ZNF814: variants seen among roughly 807,000 people sequenced by gnomAD.
ZNF814 encodes the protein zinc finger protein 814.
In ZNF814, 5 loss-of-function variants were observed where a neutral mutation model predicts 7.5. The observed-to-expected ratio is 0.67, with a 90% CI of 0.35 to 1.40. The LOEUF is 1.40. Ranked by LOEUF, ZNF814 falls within the 40% of genes most tolerant of loss-of-function variation. The pLI is 0.04. For synonymous variants in ZNF814, 315 were observed against 340.7 expected, an observed-to-expected ratio of 0.92 and a Z score of 0.83; for missense variants, 962 against 1,018.0, an observed-to-expected ratio of 0.94 and a Z score of 0.75.
At position 57,879,708 on chromosome 19, in the gene ZNF814, T is replaced by A. The variant is rs547373435; in HGVS notation, c.37-2666A>T. 1.8e-3 allele frequency among the ~76,000 whole-genome samples: 271 copies of A among 149,482 alleles called. 1 individual carries two copies. Among genetic ancestry groups the A allele is most frequent in the Non-Finnish European group, 3.3e-3 (225 of 67,364 alleles). On this transcript the variant is annotated intron_variant, in intron 1 of 2. Coordinates refer to ENST00000435989, the MANE Select transcript of ZNF814 (RefSeq NM_001144989.2). ...GGTCTGAGCATGGTGAAAACAACCC[T>A]CCTTATATTCCCAGTGACTATATTA...
chr19:57,882,852 T>C (rs1364569571), intron 1 of ZNF814, among the ~76,000 whole-genome samples: 1 of 149,440 alleles, frequency 6.7e-6, no homozygotes, highest in African/African-American at 2.6e-5. Context: ...GCCCAGACAC[T>C]GATGAACATC....
At position 57,873,099 on chromosome 19, in the gene ZNF814, C is replaced by G. The variant is rs750311579; in HGVS notation, c.2291G>C (p.Arg764Pro). The G allele has an allele frequency of 6.2e-7, 1 of 1,613,828 alleles. No homozygotes were observed. The highest frequency in any genetic ancestry group is 8.5e-7 in the Non-Finnish European group (1 of 1,179,920). The change falls in exon 3 of 3, where the codon CGA becomes CCA. Residue 764 changes from arginine (R) to proline (P), a missense_variant. Arg to Pro is a moderately radical substitution (Grantham distance 103, BLOSUM62 -2). Around this residue, in one of 7 missense-constraint regions of ZNF814, gnomAD observed 665 missense variants for 551.4 expected, o/e 1.21. Coordinates refer to ENST00000435989, the MANE Select transcript of ZNF814 (RefSeq NM_001144989.2). ...THSSTFCVHK[R>P]IHTGEKPYEC... is the part of the protein sequence containing the mutation. Reference sequence around the variant, plus strand: ...ATAAGGCTTTTCTCCAGTGTGAATTCGCTTATGAACACAGAATGTAGAGCT... The same window carrying G: ...ATAAGGCTTTTCTCCAGTGTGAATTGGCTTATGAACACAGAATGTAGAGCT...
upstream of ZNF814, among the ~76,000 whole-genome samples, chr19:57,891,944 C>T (rs1331124707): frequency 6.6e-6 from 1 of 152,070 alleles, no homozygotes; most frequent in Non-Finnish European, 1.5e-5. Context: ...AGTATAAACA[C>T]GGTTTCACTA....
chr19:57,885,629 C>CAA (rs36025351), intron 1 of ZNF814, among the ~76,000 whole-genome samples: 48 of 121,432 alleles, frequency 4.0e-4, no homozygotes, highest in African/African-American at 1.3e-3. Context: ...GACTGTGTCT[C>CAA]AAAAAAAAAA....
chr19:57,878,926 C>CAT (rs1366260582), intron 1 of ZNF814, among the ~76,000 whole-genome samples: 1 of 152,022 alleles, frequency 6.6e-6, no homozygotes, highest in Non-Finnish European at 1.5e-5. Flanking sequence ...CACACACGCA[C>CAT]ACATACACAT....
the ZNF814 span, among the ~76,000 whole-genome samples, chr19:57,903,849 G>T: frequency 6.6e-6 from 1 of 152,094 alleles, no homozygotes; most frequent in African/African-American, 2.4e-5. Flanking sequence ...GACAAAAAAG[G>T]GAGACATGTT....
At chr19:57,877,544 G>T (rs1568519261) in intron 1 of ZNF814, among the ~76,000 whole-genome samples, 1 of 152,106 alleles carries the variant, frequency 6.6e-6, no homozygotes, top group Non-Finnish European at 1.5e-5. Context: ...CTGGGTTCAA[G>T]CAATTATCCT....
Position 57,871,193 on chromosome 19 carries a change from A to G in ZNF814, c.*1629T>C, listed in dbSNP as rs966969800. On this transcript the variant is annotated 3_prime_UTR_variant, in exon 3 of 3. Coordinates refer to ENST00000435989, the MANE Select transcript of ZNF814 (RefSeq NM_001144989.2). ...GACTTCCCTCAGCCGTACCAAGTAC[A>G]ATGCAATATACCTCGTAAAAGAATT... 1 of 152,212 alleles carries G rather than the reference A, an allele frequency of 6.6e-6. No homozygotes were observed. The highest frequency in any genetic ancestry group is 2.4e-5 in the African/African-American group (1 of 41,448). 9.4% of individuals were successfully genotyped at this position (152,212 alleles called of 1,614,324 possible).
intron 1 of ZNF814, among the ~76,000 whole-genome samples, chr19:57,888,293 T>G (rs1306809066): frequency 1.3e-5 from 2 of 152,210 alleles, no homozygotes; most frequent in Non-Finnish European, 2.9e-5. Flanking sequence ...GAGAATTGCC[T>G]CCTTCGAACT....
the ZNF814 span, among the ~76,000 whole-genome samples, chr19:57,903,460 C>T: frequency 1.3e-5 from 2 of 152,168 alleles, no homozygotes; most frequent in South Asian, 4.1e-4. Context: ...TGCAATGTGA[C>T]TGGAATACAT....
At chr19:57,877,100 C>T in intron 1 of ZNF814, 58 bp from the exon 2 acceptor site, 1 of 1,599,166 alleles carries the variant, frequency 6.3e-7, no homozygotes, top group South Asian at 1.1e-5. Flanking sequence ...GTATCACAAT[C>T]CATCTCTCCC....
At chr19:57,900,865 T>TTTTTG in the ZNF814 span, among the ~76,000 whole-genome samples, 1 of 103,098 alleles carries the variant, frequency 9.7e-6, no homozygotes, top group African/African-American at 3.9e-5. Flanking sequence ...TTTTTTTTTT[T>TTTTTG]GAGACGGAGT....
At chr19:57,886,085 A>T (rs2071691104) in intron 1 of ZNF814, 1 of 152,124 alleles carries the variant, frequency 6.6e-6, no homozygotes, top group African/African-American at 2.4e-5. Flanking sequence ...TTTTAAAAAT[A>T]AAAAATAAAG....
intron 1 of ZNF814, chr19:57,885,908 G>C: frequency 6.7e-6 from 1 of 149,910 alleles, no homozygotes; most frequent in Non-Finnish European, 1.5e-5. Flanking sequence ...TCCTGTAGGC[G>C]GAGGTTGTGG....
upstream of ZNF814, among the ~76,000 whole-genome samples, chr19:57,893,650 G>A (rs2122483679): frequency 6.6e-6 from 1 of 152,120 alleles, no homozygotes; most frequent in Non-Finnish European, 1.5e-5. Flanking sequence ...CGGGTGCGGG[G>A]GCTCATGCCT....
Position 57,873,147 on chromosome 19 carries a change from T to A in ZNF814, c.2243A>T (p.Asp748Val). 1 of 1,613,902 alleles carries A rather than the reference T, an allele frequency of 6.2e-7. No homozygotes were observed. Among genetic ancestry groups the A allele is most frequent in the Non-Finnish European group, 8.5e-7 (1 of 1,179,952 alleles). Residue 748 changes from aspartate to valine, a missense_variant, in exon 3 of 3, where the codon GAT becomes GTT. Physicochemically the swap from Asp to Val is radical, Grantham distance 152. This residue lies in a region of ZNF814 where 665 missense variants were observed against 551.4 expected (regional missense o/e 1.21). Coordinates refer to ENST00000435989, the MANE Select transcript of ZNF814 (RefSeq NM_001144989.2). ...GCTGTGGGTAAATGATTTTCCACAA[T>A]CATTGCATTCATAAGGCCTTTCTCC... ...HTGERPYECN[D>V]CGKSFTHSST...
rs1270642568 is a variant in ZNF814 at position 57,872,103 on chromosome 19, C to CT, written c.*718dup. ...CCTGAGCGACACAGTGACAACCTGT[C>CT]TCAAAAAAAATCTAGCAAGGTACCT... On this transcript the variant is annotated 3_prime_UTR_variant, in exon 3 of 3. Transcript: ENST00000435989. Among the ~76,000 whole-genome samples the CT allele has an allele frequency of 1.3e-5, 2 of 152,062 alleles. No individual in the cohort carries two copies. Among genetic ancestry groups the CT allele is most frequent in the African/African-American group, 2.4e-5 (1 of 41,412 alleles).
At chr19:57,884,657 C>G (rs1568521345) in intron 1 of ZNF814, among the ~76,000 whole-genome samples, 1 of 152,046 alleles carries the variant, frequency 6.6e-6, no homozygotes, top group Non-Finnish European at 1.5e-5. Context: ...AAATGGCAAA[C>G]AGGTATAGGA....
At chr19:57,876,791 C>T in intron 2 of ZNF814, 125 bp downstream of exon 2, 1 of 1,508,596 alleles carries the variant, frequency 6.6e-7, no homozygotes, top group Non-Finnish European at 8.9e-7. Context: ...CAACCAAGAA[C>T]CTACCCACAG....
Sources: gnomAD v4.1 joint callset for allele counts (sites outside exome capture counted in the v4.1 genomes callset) on GRCh38, gnomAD v4.1.1 for gene constraint, gnomAD v4.1.1 regional missense constraint, MANE v1.5 for transcripts, NCBI Gene and HGNC (gene_info 2026-07-23, HGNC 2026-07-21) for gene names.